Variants in KIF5C observed in about 807,000 individuals in gnomAD.
KIF5C encodes kinesin family member 5C.
Under a neutral mutation model 125.2 loss-of-function variants are expected in KIF5C, and 18 were observed. That is an observed-to-expected ratio of 0.14 (90% CI 0.10 to 0.21). The LOEUF is 0.21. KIF5C is among the 10% of genes least tolerant of loss of function. The pLI is 1.00. For missense variants in KIF5C, 780 were observed against 1,183.8 expected (o/e 0.66, Z 5.01); for synonymous variants, 405 against 434.0 (o/e 0.93, Z 0.83).
In KIF5C at chr2:148,916,501, G is replaced by A. The variant is rs117312764; in HGVS notation, c.127-5636G>A. ...AGATGTGATTCAGCACTTAGGTGTCGTGAGGATAATAGGATGTCAAGTTCC... is the reference window on the plus strand; with the variant it reads ...AGATGTGATTCAGCACTTAGGTGTCATGAGGATAATAGGATGTCAAGTTCC... On this transcript the variant is annotated intron_variant, in intron 1 of 25. Transcript: ENST00000435030. Among the ~76,000 whole-genome samples the A allele has an allele frequency of 3.8e-4, 58 of 152,304 alleles. No individual in the cohort carries two copies. In the East Asian group the frequency reaches 0.01, roughly 27 times the overall value.
At chr2:148,926,987 CA>C (rs908974791) in intron 2 of KIF5C, among the ~76,000 whole-genome samples, 5 of 151,608 alleles carry the variant, frequency 3.3e-5, no homozygotes, top group African/African-American at 1.2e-4. Context: ...CCTTTTCTTA[CA>C]AAAAAAGAAG....
intron 2 of KIF5C, among the ~76,000 whole-genome samples, chr2:148,927,968 T>TA (rs923353624): frequency 4.0e-5 from 6 of 151,308 alleles, no homozygotes; most frequent in South Asian, 4.2e-4. Flanking sequence ...CTGCTAGAAT[T>TA]AAAAAAAAAT....
intron 12 of KIF5C, among the ~76,000 whole-genome samples, chr2:148,978,098 T>G (rs1448392876): frequency 6.6e-6 from 1 of 152,188 alleles, no homozygotes; most frequent in East Asian, 1.9e-4. Flanking sequence ...GTGAAAATAA[T>G]GCAGTGAAGA....
At chr2:149,004,585 A>T (rs1323462326) in intron 21 of KIF5C, among the ~76,000 whole-genome samples, 1 of 152,226 alleles carries the variant, frequency 6.6e-6, no homozygotes, top group East Asian at 1.9e-4. Flanking sequence ...TGCCCCCAAG[A>T]TGACAGTGAA....
intron 2 of KIF5C, among the ~76,000 whole-genome samples, chr2:148,927,485 G>GGTGTGT (rs368235008): frequency 0.01 from 1,550 of 149,696 alleles, 11 homozygotes; most frequent in African/African-American, 0.019. Context: ...GCCCTTTCAG[G>GGTGTGT]GTGTGTGTGT....
Position 148,962,007 on chromosome 2 carries a change from A to C in KIF5C, c.1005A>C (p.Leu335=), listed in dbSNP as rs1313004969. ...KTIKNTVSVN[L]ELTAEEWKKK... ...TCAAGAATACAGTCTCTGTGAACCT[A>C]GAACTGACAGCAGAAGAATGGAAGA... is the stretch of plus-strand genomic sequence containing the variant. Residue 335 remains leucine (L), a synonymous_variant, in exon 11 of 26, where the codon CTA becomes CTC. Transcript: ENST00000435030. The C allele has an allele frequency of 5.6e-6, 9 of 1,613,980 alleles. No homozygotes were observed. Among genetic ancestry groups the C allele is most frequent in the Non-Finnish European group, 6.8e-6 (8 of 1,179,882 alleles).
intron 11 of KIF5C, among the ~76,000 whole-genome samples, chr2:148,971,834 G>T (rs1680920706): frequency 6.6e-6 from 1 of 152,172 alleles, no homozygotes. Flanking sequence ...TTTATATTGA[G>T]ATAAATGTGT....
At chr2:148,983,968 A>G (rs756516103) in intron 15 of KIF5C, among the ~76,000 whole-genome samples, 1 of 152,222 alleles carries the variant, frequency 6.6e-6, no homozygotes, top group African/African-American at 2.4e-5. Flanking sequence ...AAAAAAAATT[A>G]TCTTTCAAAT....
At chr2:148,930,291 C>A (rs997537841) in intron 3 of KIF5C, among the ~76,000 whole-genome samples, 2 of 151,908 alleles carry the variant, frequency 1.3e-5, no homozygotes, top group Non-Finnish European at 2.9e-5. Context: ...CAAGGCAGGT[C>A]TGCAGACAAA....
chr2:148,884,846 A>AT (rs1681466940), intron 1 of KIF5C, among the ~76,000 whole-genome samples: 1 of 152,090 alleles, frequency 6.6e-6, no homozygotes, highest in Non-Finnish European at 1.5e-5. Flanking sequence ...AAACAAGAGG[A>AT]GCCTTTTGCC....
chr2:149,000,276 G>T (rs1196177768), intron 19 of KIF5C, 147 bp from the exon 20 acceptor site: 12 of 932,608 alleles, frequency 1.3e-5, no homozygotes, highest in Non-Finnish European at 1.8e-5. Flanking sequence ...GAAGCTGTGA[G>T]GCTGTTCTGT....
intron 10 of KIF5C, among the ~76,000 whole-genome samples, chr2:148,952,885 G>T (rs371484109): frequency 6.6e-6 from 1 of 152,118 alleles, no homozygotes; most frequent in African/African-American, 2.4e-5. Context: ...ACAGTATTGC[G>T]GCTTGAAAAG....
At chr2:148,937,231 C>G in intron 3 of KIF5C, 53 bp from the exon 4 acceptor site, 1 of 1,546,462 alleles carries the variant, frequency 6.5e-7, no homozygotes, top group Non-Finnish European at 8.7e-7. Context: ...CCCTCTCTCT[C>G]ATGTGTCTCC....
chr2:149,007,930 G>C (rs1449919566), intron 22 of KIF5C, 33 bp from the exon 23 acceptor site: 1 of 1,536,708 alleles, frequency 6.5e-7, no homozygotes, highest in East Asian at 2.3e-5. Flanking sequence ...GTGGGTGACA[G>C]CCTGTCCTGC....
rs1302918373 is a variant in KIF5C at position 148,981,334 on chromosome 2, C to T, written c.1363-21C>T. Reference sequence around the variant, plus strand: ...ATTTGAACATTAGATTCACAAGTTCCATGCCATCTCATTTCCCCAGCTTTT... The same window carrying T: ...ATTTGAACATTAGATTCACAAGTTCTATGCCATCTCATTTCCCCAGCTTTT... On this transcript the variant is annotated intron_variant, in intron 13 of 25. Coordinates refer to ENST00000435030, the MANE Select transcript of KIF5C (RefSeq NM_004522.3). 4 of 1,593,400 alleles carry T rather than the reference C, an allele frequency of 2.5e-6. No individual in the cohort carries two copies. In the South Asian group the frequency reaches 3.5e-5, roughly 14 times the overall value.
chr2:148,983,518 TAAAAG>T, intron 14 of KIF5C, 97 bp from the exon 15 acceptor site: 1 of 1,384,108 alleles, frequency 7.2e-7, no homozygotes, highest in Non-Finnish European at 9.5e-7. Context: ...TGAAGTCATG[TAAAAG>T]AAATCCATTC....
In KIF5C at chr2:148,961,974, T is replaced by C. The variant is rs759808312; in HGVS notation, c.972T>C (p.Ala324=). 3.7e-6 allele frequency: 6 copies of C among 1,613,100 alleles called. No individual in the cohort carries two copies. Among genetic ancestry groups the C allele is most frequent in the Non-Finnish European group, 4.2e-6 (5 of 1,179,622 alleles). The part of the protein sequence containing the change: ...TKSTLMFGQR[A]KTIKNTVSVN... ...CCCCTTATGTTTTTAATCCCAGAGC[T>C]AAGACCATCAAGAATACAGTCTCTG... The change falls in exon 11 of 26, where the codon GCT becomes GCC. Residue 324 remains alanine (A), a synonymous_variant. Coordinates refer to ENST00000435030, the MANE Select transcript of KIF5C (RefSeq NM_004522.3).
chr2:148,967,306 G>A (rs753773825), intron 11 of KIF5C, among the ~76,000 whole-genome samples: 2 of 152,192 alleles, frequency 1.3e-5, no homozygotes, highest in Admixed American at 6.5e-5. Context: ...CGAATGATTC[G>A]CAGACTCCAA....
At chr2:148,932,967 G>T (rs1682213138) in intron 3 of KIF5C, among the ~76,000 whole-genome samples, 1 of 152,070 alleles carries the variant, frequency 6.6e-6, no homozygotes, top group South Asian at 2.1e-4. Context: ...CACATTCCGT[G>T]GGAAAAGTTT....
Sources: gnomAD v4.1 joint callset for allele counts (sites outside exome capture counted in the v4.1 genomes callset) on GRCh38, gnomAD v4.1.1 for gene constraint, MANE v1.5 for transcripts, NCBI Gene and HGNC (gene_info 2026-07-23, HGNC 2026-07-21) for gene names.